Variants in FA2H observed in about 807,000 individuals in gnomAD.
FA2H encodes fatty acid 2-hydroxylase.
A neutral mutation model predicts 44.9 loss-of-function variants in FA2H; 22 were observed. The observed-to-expected ratio is 0.49, with a 90% CI of 0.35 to 0.70. FA2H has a LOEUF of 0.70. Ranked by LOEUF, FA2H falls within the 30% of genes least tolerant of loss-of-function variation. FA2H has a pLI of 0.01. For synonymous variants in FA2H, 243 were observed against 213.2 expected (o/e 1.14, Z -1.22); for missense variants, 501 against 504.9 (o/e 0.99, Z 0.07).
At chr16:74,720,130 A>G (rs1221923756) in intron 4 of FA2H, among the ~76,000 whole-genome samples, 1 of 134,428 alleles carries the variant, frequency 7.4e-6, no homozygotes, top group Admixed American at 7.8e-5. Context: ...CTTTGACCTC[A>G]TGGAGATTTC....
intron 4 of FA2H, among the ~76,000 whole-genome samples, chr16:74,721,804 A>T (rs974577270): frequency 2.0e-5 from 3 of 152,152 alleles, no homozygotes; most frequent in Non-Finnish European, 2.9e-5. Flanking sequence ...ACTTCCCCCA[A>T]CTTCCAAGCA....
At chr16:74,734,793 G>A (rs1962148945) in intron 2 of FA2H, among the ~76,000 whole-genome samples, 2 of 152,250 alleles carry the variant, frequency 1.3e-5, no homozygotes, top group Admixed American at 1.3e-4. Context: ...TGGCAAATGT[G>A]GTGAGCGGGG....
At chr16:74,740,167 C>T in intron 1 of FA2H, 52 bp from the exon 2 acceptor site, 2 of 1,477,306 alleles carry the variant, frequency 1.4e-6, no homozygotes, top group Non-Finnish European at 1.9e-6. Context: ...GGGAAGAGGG[C>T]AGAGCCCCGA....
intron 1 of FA2H, among the ~76,000 whole-genome samples, chr16:74,741,824 GTGTGTGTGTGTGTA>G (rs1409269194): frequency 9.7e-6 from 1 of 103,060 alleles, no homozygotes; most frequent in Non-Finnish European, 2.0e-5. Context: ...GTGTGTGTGT[GTGTGTGTGTGTGTA>G]TGTGTGTGTA....
chr16:74,714,020 G>A lies in FA2H; in HGVS notation c.*170C>T. 1 of 600,576 alleles carries A rather than the reference G, an allele frequency of 1.7e-6. No homozygotes were observed. The highest frequency in any genetic ancestry group is 2.0e-5 in the South Asian group (1 of 50,820). 37.2% of individuals were successfully genotyped at this position (600,576 alleles called of 1,614,324 possible). On this transcript the variant is annotated 3_prime_UTR_variant, in exon 7 of 7. Coordinates refer to ENST00000219368, the MANE Select transcript of FA2H (RefSeq NM_024306.5). ...ATGTGACCCTCCTACCAGGGGTCAGGAGGGCGGTCCTGCCTCAGGGCCCCC... is the reference window on the plus strand; with the variant it reads ...ATGTGACCCTCCTACCAGGGGTCAGAAGGGCGGTCCTGCCTCAGGGCCCCC...
At chr16:74,753,989 G>C (rs1194160181) in intron 1 of FA2H, among the ~76,000 whole-genome samples, 2 of 152,100 alleles carry the variant, frequency 1.3e-5, no homozygotes, top group Non-Finnish European at 2.9e-5. Flanking sequence ...ATGAGTCTTC[G>C]ACATTGAACT....
intron 1 of FA2H, among the ~76,000 whole-genome samples, chr16:74,772,304 C>T (rs2144669978): frequency 6.6e-6 from 1 of 152,350 alleles, no homozygotes; most frequent in East Asian, 1.9e-4. Context: ...CCCAGCCTAT[C>T]AATCAGCTCT....
intron 2 of FA2H, among the ~76,000 whole-genome samples, chr16:74,738,101 G>A (rs936329354): frequency 2.6e-5 from 4 of 152,202 alleles, no homozygotes; most frequent in Non-Finnish European, 5.9e-5. Context: ...ATGCACACCC[G>A]GGCAGGTGGG....
rs1044162741 is a variant in FA2H, at chr16:74,766,167, T to G, written c.270+8319A>C. Among the ~76,000 whole-genome samples, 4 of 151,988 alleles carry G rather than the reference T, an allele frequency of 2.6e-5. No individual in the cohort carries two copies. The South Asian group carries it at 8.3e-4, about 32-fold the overall frequency. On this transcript the variant is annotated intron_variant, in intron 1 of 6. Transcript: ENST00000219368. ...TACAAAAATTAGCTGGGCATAGTGG[T>G]GGGCACCTGTAATCCCAGCTACTCG... is the stretch of plus-strand genomic sequence containing the variant.
At chr16:74,753,980 T>C (rs2144651260) in intron 1 of FA2H, among the ~76,000 whole-genome samples, 1 of 151,858 alleles carries the variant, frequency 6.6e-6, no homozygotes, top group Middle Eastern at 3.4e-3. Flanking sequence ...ACTTTTCACA[T>C]GAGTCTTCGA....
At chr16:74,746,754 TTCTC>T (rs1193973299) in intron 1 of FA2H, among the ~76,000 whole-genome samples, 1 of 152,130 alleles carries the variant, frequency 6.6e-6, no homozygotes, top group Non-Finnish European at 1.5e-5. Context: ...AGGGGTTTTC[TTCTC>T]TCTGTCAATT....
chr16:74,762,973 C>T (rs778945724), intron 1 of FA2H, among the ~76,000 whole-genome samples: 13 of 152,190 alleles, frequency 8.5e-5, no homozygotes, highest in Non-Finnish European at 1.6e-4. Flanking sequence ...CCTTGCCTGG[C>T]ACAAGAGAAA....
chr16:74,722,915 A>G (rs1961871829), intron 4 of FA2H, among the ~76,000 whole-genome samples: 1 of 21,492 alleles, frequency 4.7e-5, no homozygotes, highest in Non-Finnish European at 1.1e-4. Flanking sequence ...CCATCTCAAA[A>G]AAAAAAAAAA....
At chr16:74,742,705 G>A (rs760154880) in intron 1 of FA2H, among the ~76,000 whole-genome samples, 5 of 152,146 alleles carry the variant, frequency 3.3e-5, no homozygotes, top group African/African-American at 4.8e-5. Flanking sequence ...TGTGGTGGTA[G>A]TGTGCGCTTG....
intron 1 of FA2H, among the ~76,000 whole-genome samples, chr16:74,756,980 G>A (rs1332506681): frequency 2.0e-5 from 3 of 151,858 alleles, no homozygotes; most frequent in East Asian, 1.9e-4. Context: ...AGTAGGGGCA[G>A]AACCTTCTAA....
intron 2 of FA2H, among the ~76,000 whole-genome samples, chr16:74,736,777 C>G (rs1962190218): frequency 6.6e-6 from 1 of 152,134 alleles, no homozygotes; most frequent in Non-Finnish European, 1.5e-5. Flanking sequence ...CCCTCTGCCA[C>G]TCCCTCTCCT....
chr16:74,740,656 TAA>T (rs1962277307), intron 1 of FA2H, among the ~76,000 whole-genome samples: 1 of 143,334 alleles, frequency 7.0e-6, no homozygotes. Context: ...ATAATAATAA[TAA>T]TAATAATAAT....
intron 1 of FA2H, among the ~76,000 whole-genome samples, chr16:74,744,155 G>A (rs182087084): frequency 3.9e-5 from 6 of 152,148 alleles, no homozygotes; most frequent in East Asian, 1.9e-4. Context: ...CCAGACTCCC[G>A]CCCCGGTGTT....
At position 74,719,003 on chromosome 16, in the gene FA2H, G is replaced by A. The variant is rs371293493; in HGVS notation, c.771C>T (p.His257=). ...YYLIMLHFVM[H]GQHHKAPFDG... ...CCCCGCTCACCTTGTGGTGCTGGCC[G>A]TGCATGACGAAGTGCAGCATGATGA... is the stretch of plus-strand genomic sequence containing the variant. The change falls in exon 5 of 7, where the codon CAC becomes CAT. Residue 257 remains histidine (H), a synonymous_variant. Transcript: ENST00000219368. 360 of 1,613,864 alleles carry A rather than the reference G, an allele frequency of 2.2e-4. 8 individuals carry two copies. The South Asian group carries it at 3.5e-3, about 16-fold the overall frequency.
Sources: gnomAD v4.1 joint callset for allele counts (sites outside exome capture counted in the v4.1 genomes callset) on GRCh38, gnomAD v4.1.1 for gene constraint, MANE v1.5 for transcripts, NCBI Gene and HGNC (gene_info 2026-07-23, HGNC 2026-07-21) for gene names.